The following SMYD3 variants were observed in gnomAD, a reference collection of about 807,000 sequenced individuals.
The protein encoded by SMYD3 is SET and MYND domain containing 3.
A neutral mutation model predicts 57.7 loss-of-function variants in SMYD3; 36 were observed. The observed-to-expected ratio is 0.62, with a 90% CI of 0.48 to 0.82. The LOEUF is 0.82. SMYD3 is among the 40% of genes least tolerant of loss of function. SMYD3 has a pLI of 0.00. For synonymous variants in SMYD3, 211 were observed against 195.0 expected (o/e 1.08, Z -0.68); for missense variants, 515 against 538.8 (o/e 0.96, Z 0.44).
chr1:246,363,122 GA>G (rs1439728816), intron 1 of SMYD3, among the ~76,000 whole-genome samples: 40 of 150,504 alleles, frequency 2.7e-4, no homozygotes, highest in Non-Finnish European at 4.3e-4. Flanking sequence ...CCCCGTCTGA[GA>G]AGTGAGGAGC....
Position 246,171,102 on chromosome 1 carries a change from T to C in SMYD3, c.531+156099A>G, listed in dbSNP as rs141038292. On this transcript the variant is annotated intron_variant, in intron 5 of 11. Coordinates refer to ENST00000490107, the MANE Select transcript of SMYD3 (RefSeq NM_001167740.2). ...CTCTATTCTAGTTTTCTAAGTGGTT[T>C]TGATTTCTACTTTGGTCTAATAGAG... 1.6e-3 allele frequency among the ~76,000 whole-genome samples: 247 copies of C among 152,304 alleles called. 1 individual carries two copies. The highest frequency in any genetic ancestry group is 5.5e-3 in the African/African-American group (229 of 41,558).
intron 6 of SMYD3, among the ~76,000 whole-genome samples, 189 bp downstream of exon 6, chr1:245,929,681 T>C (rs980529204): frequency 6.6e-6 from 1 of 152,216 alleles, no homozygotes; most frequent in Non-Finnish European, 1.5e-5. Flanking sequence ...TCACAGCATA[T>C]AATGTGGGGT....
At chr1:246,289,539 T>C (rs994767274) in intron 5 of SMYD3, among the ~76,000 whole-genome samples, 4 of 152,270 alleles carry the variant, frequency 2.6e-5, no homozygotes, top group Middle Eastern at 3.4e-3. Flanking sequence ...TGTATTTCTG[T>C]GAGAGTCAGG....
chr1:245,994,201 G>A (rs901638631), intron 5 of SMYD3, among the ~76,000 whole-genome samples: 1 of 152,158 alleles, frequency 6.6e-6, no homozygotes, highest in Admixed American at 6.5e-5. Context: ...TTTAATTTAA[G>A]TGCATTCCAT....
chr1:245,898,959 T>A (rs888338925), intron 8 of SMYD3, among the ~76,000 whole-genome samples: 2 of 152,178 alleles, frequency 1.3e-5, no homozygotes, highest in Admixed American at 1.3e-4. Context: ...TTTCCAGAAA[T>A]TAAGCTGCAG....
At chr1:246,322,080 C>T (rs2065258433) in intron 5 of SMYD3, among the ~76,000 whole-genome samples, 2 of 152,068 alleles carry the variant, frequency 1.3e-5, no homozygotes, top group African/African-American at 4.8e-5. Context: ...CAAAATCTAA[C>T]AGGTGCTGGG....
chr1:246,200,915 C>A (rs1427730281), intron 5 of SMYD3, among the ~76,000 whole-genome samples: 1 of 152,158 alleles, frequency 6.6e-6, no homozygotes, highest in African/African-American at 2.4e-5. Flanking sequence ...AGTTTCTTAT[C>A]AAAGCATCAT....
At chr1:245,943,867 T>C (rs998663488) in intron 5 of SMYD3, among the ~76,000 whole-genome samples, 2 of 152,090 alleles carry the variant, frequency 1.3e-5, no homozygotes, top group Non-Finnish European at 2.9e-5. Context: ...ATCACATAAA[T>C]AGAACCAGTG....
intron 10 of SMYD3, among the ~76,000 whole-genome samples, chr1:245,821,915 G>A (rs2049180884): frequency 6.6e-6 from 1 of 151,044 alleles, no homozygotes; most frequent in African/African-American, 2.4e-5. Flanking sequence ...TGGAGAGGAT[G>A]TGGAGAAATA....
At chr1:246,282,339 A>AAAAAAAAAAAAAAAAAAAAAAAC in intron 5 of SMYD3, among the ~76,000 whole-genome samples, 1 of 123,346 alleles carries the variant, frequency 8.1e-6, no homozygotes, top group Non-Finnish European at 1.7e-5. Flanking sequence ...AAAAAAAAAA[A>AAAAAAAAAAAAAAAAAAAAAAAC]AGCAAAAAAA....
rs559088835 is a variant in SMYD3, at chr1:245,797,828, C to CAAAAAAAAAAAAAAAA, written c.1077-33695_1077-33680dup. 2.9e-3 allele frequency among the ~76,000 whole-genome samples: 315 copies of CAAAAAAAAAAAAAAAA among 109,396 alleles called. 4 individuals carry two copies. Among genetic ancestry groups the CAAAAAAAAAAAAAAAA allele is most frequent in the East Asian group, 0.015 (42 of 2,884 alleles). The allele number at this position is 109,396 out of a possible 152,430, so 71.8% of individuals were successfully genotyped here. A position where few individuals can be genotyped will look rare whatever the true frequency, so the allele number is the denominator to read the frequency against. ...TGTCCTCTCAATTGCTTCCGGGTTC[C>CAAAAAAAAAAAAAAAA]AAAAAAAAAAAAAAAAAAAAGGTGG... On this transcript the variant is annotated intron_variant, in intron 10 of 11. Coordinates refer to ENST00000490107, the MANE Select transcript of SMYD3 (RefSeq NM_001167740.2).
chr1:246,114,977 C>T (rs112442904), intron 5 of SMYD3, among the ~76,000 whole-genome samples: 4,222 of 152,260 alleles, frequency 0.028, 188 homozygotes, highest in African/African-American at 0.095. Context: ...ATTTACTTCC[C>T]GTGAAGCCAG....
intron 5 of SMYD3, among the ~76,000 whole-genome samples, chr1:246,115,415 A>G (rs6699465): frequency 0.16 from 23,690 of 152,124 alleles, 3,429 homozygotes; most frequent in African/African-American, 0.39. Flanking sequence ...CCTAAGAAAG[A>G]TTAAAAGCAA....
intron 5 of SMYD3, among the ~76,000 whole-genome samples, chr1:246,197,981 G>A (rs1042219719): frequency 3.3e-5 from 5 of 152,128 alleles, no homozygotes; most frequent in Admixed American, 6.5e-5. Flanking sequence ...GTGTGGGCTA[G>A]GATAAAACTG....
intron 2 of SMYD3, among the ~76,000 whole-genome samples, chr1:246,354,827 C>T (rs1448957396): frequency 1.3e-5 from 2 of 152,142 alleles, no homozygotes; most frequent in African/African-American, 2.4e-5. Flanking sequence ...TACACACACA[C>T]ACCCAATTTT....
intron 10 of SMYD3, among the ~76,000 whole-genome samples, chr1:245,800,448 A>G (rs1057090817): frequency 7.9e-5 from 12 of 151,994 alleles, no homozygotes; most frequent in African/African-American, 2.9e-4. Context: ...AAATAATGCT[A>G]TATCTAATAG....
intron 5 of SMYD3, among the ~76,000 whole-genome samples, chr1:246,141,585 C>T (rs2061756219): frequency 6.6e-6 from 1 of 152,142 alleles, no homozygotes; most frequent in Admixed American, 6.5e-5. Flanking sequence ...TAAACATGTA[C>T]AGTGTGCTAG....
chr1:246,322,389 A>C (rs932545317), intron 5 of SMYD3: 15 of 151,936 alleles, frequency 9.9e-5, no homozygotes, highest in Non-Finnish European at 2.2e-4. Flanking sequence ...AAAAAATCTC[A>C]AAGGAAATTT....
chr1:246,106,466 A>G (rs2061123556), intron 5 of SMYD3, among the ~76,000 whole-genome samples: 1 of 150,710 alleles, frequency 6.6e-6, no homozygotes, highest in Non-Finnish European at 1.5e-5. Context: ...ATTTTTAAAC[A>G]GCAAGGCGAG....
Sources: gnomAD v4.1 joint callset for allele counts (sites outside exome capture counted in the v4.1 genomes callset) on GRCh38, gnomAD v4.1.1 for gene constraint, MANE v1.5 for transcripts, NCBI Gene and HGNC (gene_info 2026-07-23, HGNC 2026-07-21) for gene names.